NALF1: variants seen among roughly 807,000 people sequenced by gnomAD.
NALF1 encodes family with sequence similarity 155 member A.
Under a neutral mutation model 48.4 loss-of-function variants are expected in NALF1, and 3 were observed. The observed-to-expected ratio is 0.06, with a 90% CI of 0.03 to 0.16. NALF1 has a LOEUF of 0.16. NALF1 is among the 10% of genes least tolerant of loss of function. NALF1 has a pLI of 1.00. For synonymous variants in NALF1, 262 were observed against 245.7 expected, an observed-to-expected ratio of 1.07 and a Z score of -0.62; for missense variants, 526 against 571.5, an observed-to-expected ratio of 0.92 and a Z score of 0.81.
intron 1 of NALF1, among the ~76,000 whole-genome samples, chr13:107,821,516 A>C (rs562664727): frequency 6.6e-6 from 1 of 152,242 alleles, no homozygotes; most frequent in East Asian, 1.9e-4. Context: ...AAAACCCATA[A>C]CCTTAGTCTA....
chr13:107,530,511 AT>A (rs549932752), intron 1 of NALF1, among the ~76,000 whole-genome samples: 30 of 152,054 alleles, frequency 2.0e-4, no homozygotes, highest in East Asian at 1.7e-3. Flanking sequence ...TATTTGTAAG[AT>A]TTTTTTTAAA....
intron 2 of NALF1, among the ~76,000 whole-genome samples, chr13:107,195,917 T>C (rs1369488078): frequency 1.3e-5 from 2 of 152,152 alleles, no homozygotes; most frequent in Non-Finnish European, 2.9e-5. Context: ...TCATCAATGG[T>C]AGGCTAGATG....
At chr13:107,327,110 T>C (rs1455204058) in intron 1 of NALF1, among the ~76,000 whole-genome samples, 2 of 152,222 alleles carry the variant, frequency 1.3e-5, no homozygotes, top group South Asian at 2.1e-4. Flanking sequence ...TGTTATGACT[T>C]TCTTTAGGTC....
At chr13:107,450,634 G>A (rs1343017112) in intron 1 of NALF1, among the ~76,000 whole-genome samples, 2 of 152,158 alleles carry the variant, frequency 1.3e-5, no homozygotes, top group Admixed American at 6.5e-5. Context: ...GGGCGAGAAA[G>A]GCTGCAATGT....
At chr13:107,704,109 T>C (rs938084440) in intron 1 of NALF1, among the ~76,000 whole-genome samples, 2 of 152,190 alleles carry the variant, frequency 1.3e-5, no homozygotes, top group Non-Finnish European at 2.9e-5. Flanking sequence ...TCTGATTAAT[T>C]TGCATACAGC....
intron 1 of NALF1, among the ~76,000 whole-genome samples, chr13:107,241,816 T>C (rs536873395): frequency 6.6e-6 from 1 of 152,296 alleles, no homozygotes; most frequent in African/African-American, 2.4e-5. Flanking sequence ...AAATTGGTTT[T>C]ATGAAACACA....
At position 107,194,891 on chromosome 13, in the gene NALF1, C is replaced by A. The variant is rs577185876; in HGVS notation, c.1087+15693G>T. Among the ~76,000 whole-genome samples the A allele has an allele frequency of 3.9e-5, 6 of 152,182 alleles. No homozygotes were observed. In the South Asian group the frequency reaches 1.2e-3, roughly 32 times the overall value. On this transcript the variant is annotated intron_variant, in intron 2 of 2. Coordinates refer to ENST00000375915, the MANE Select transcript of NALF1 (RefSeq NM_001080396.3). The stretch of plus-strand genomic sequence containing the variant: ...AGCAAGAAAAAATAAAAAATCCCAT[C>A]ACAAAGTGGGCTAAGGACATGAATA...
At chr13:107,571,882 G>A (rs1369804837) in intron 1 of NALF1, among the ~76,000 whole-genome samples, 1 of 152,166 alleles carries the variant, frequency 6.6e-6, no homozygotes, top group African/African-American at 2.4e-5. Context: ...TGTTATGTTT[G>A]AGTAGAAGAG....
chr13:107,434,581 C>A (rs1884434228), intron 1 of NALF1, among the ~76,000 whole-genome samples: 1 of 152,208 alleles, frequency 6.6e-6, no homozygotes, highest in South Asian at 2.1e-4. Context: ...AGATAGAGTA[C>A]AACTTGCATC....
At chr13:107,837,133 A>C (rs1879916752) in intron 1 of NALF1, among the ~76,000 whole-genome samples, 1 of 152,210 alleles carries the variant, frequency 6.6e-6, no homozygotes, top group Non-Finnish European at 1.5e-5. Context: ...ACATGCAACA[A>C]AATTTGAAAT....
At chr13:107,226,146 C>G in intron 1 of NALF1, among the ~76,000 whole-genome samples, 1 of 151,998 alleles carries the variant, frequency 6.6e-6, no homozygotes, top group Non-Finnish European at 1.5e-5. Flanking sequence ...AAACACACAC[C>G]ACTACCTAAA....
intron 1 of NALF1, among the ~76,000 whole-genome samples, chr13:107,357,571 A>T (rs903470056): frequency 6.6e-6 from 1 of 152,180 alleles, no homozygotes; most frequent in African/African-American, 2.4e-5. Context: ...TCAGAGAGAG[A>T]GAAATTACTT....
At chr13:107,723,596 G>T (rs1168155140) in intron 1 of NALF1, among the ~76,000 whole-genome samples, 1 of 152,178 alleles carries the variant, frequency 6.6e-6, no homozygotes, top group Non-Finnish European at 1.5e-5. Flanking sequence ...CATCAGGAGA[G>T]AATATTGCAG....
At chr13:107,682,737 G>C (rs1881336901) in intron 1 of NALF1, among the ~76,000 whole-genome samples, 1 of 151,928 alleles carries the variant, frequency 6.6e-6, no homozygotes, top group Admixed American at 6.6e-5. Context: ...CCTTGCCTAG[G>C]TGTCCTCCTA....
intron 1 of NALF1, among the ~76,000 whole-genome samples, chr13:107,736,281 G>A (rs1246113537): frequency 6.6e-6 from 1 of 151,934 alleles, no homozygotes; most frequent in South Asian, 2.1e-4. Context: ...TGTTAGAAAC[G>A]TGGACACTTC....
rs568759406 is a variant in NALF1, at chr13:107,628,089, C to T, written c.915+237593G>A. ...CAGACATTCTCTGTCTTCAATGACA[C>T]AGAGTTCTTTCTATCCTGTATGACT... is the stretch of plus-strand genomic sequence containing the variant. On this transcript the variant is annotated intron_variant, in intron 1 of 2. Coordinates refer to ENST00000375915, the MANE Select transcript of NALF1 (RefSeq NM_001080396.3). Among the ~76,000 whole-genome samples the T allele has an allele frequency of 7.2e-5, 11 of 152,148 alleles. 1 individual carries two copies. The highest frequency in any genetic ancestry group is 2.4e-4 in the African/African-American group (10 of 41,542).
chr13:107,282,656 C>T (rs373697815), intron 1 of NALF1, among the ~76,000 whole-genome samples: 13 of 152,272 alleles, frequency 8.5e-5, no homozygotes, highest in South Asian at 6.2e-4. Flanking sequence ...AAGGACCTTC[C>T]GGCCAACTTT....
intron 1 of NALF1, among the ~76,000 whole-genome samples, chr13:107,460,163 T>C (rs992808850): frequency 2.6e-5 from 4 of 152,230 alleles, no homozygotes; most frequent in Admixed American, 1.3e-4. Flanking sequence ...ACTTCTTTCA[T>C]CTCAACCTCA....
At chr13:107,611,204 A>T (rs1319804570) in intron 1 of NALF1, among the ~76,000 whole-genome samples, 3 of 152,192 alleles carry the variant, frequency 2.0e-5, no homozygotes, top group Admixed American at 2.0e-4. Flanking sequence ...AAAACAAGGA[A>T]AGGCGTTTTA....
Sources: allele counts gnomAD v4.1 joint callset (sites outside exome capture counted in the v4.1 genomes callset), GRCh38; gene constraint gnomAD v4.1.1; transcripts MANE v1.5; gene names NCBI Gene and HGNC (gene_info 2026-07-23, HGNC 2026-07-21).